Variants in DACH2 observed in about 807,000 individuals in gnomAD.
DACH2 encodes the protein dachshund homolog 2.
DACH2 carries 17 observed loss-of-function variants against 35.8 expected under a neutral mutation model. That is an observed-to-expected ratio of 0.48 (90% confidence interval 0.33 to 0.71). The LOEUF (loss-of-function observed/expected upper bound fraction) is 0.71. DACH2 is among the 30% of genes least tolerant of loss of function. The pLI, the probability that DACH2 is intolerant of heterozygous loss-of-function variation, is 0.02. For synonymous variants in DACH2, 195 were observed against 177.3 expected (o/e 1.10, Z -0.79); for missense variants, 469 against 472.7 (o/e 0.99, Z 0.07).
At chrX:86,408,179 G>A (rs777637162) in intron 2 of DACH2, among the ~76,000 whole-genome samples, 4 of 111,543 alleles carry the variant, frequency 3.6e-5, no homozygotes, top group South Asian at 7.4e-4. Flanking sequence ...GTATGATCTC[G>A]CTTATGGTAC....
intron 1 of DACH2, among the ~76,000 whole-genome samples, chrX:86,337,895 A>C (rs990610492): frequency 1.4e-4 from 15 of 109,009 alleles, no homozygotes; most frequent in African/African-American, 5.2e-4. Context: ...AAATCAAAAA[A>C]AATCAGGGGT....
intron 1 of DACH2, among the ~76,000 whole-genome samples, chrX:86,149,462 G>A (rs2030285254): frequency 8.9e-6 from 1 of 111,871 alleles, no homozygotes; most frequent in African/African-American, 3.3e-5. Flanking sequence ...GTGGCCGCAC[G>A]GGTCGGATAG....
chrX:86,307,286 A>T (rs1052881114), intron 1 of DACH2, among the ~76,000 whole-genome samples: 5 of 111,876 alleles, frequency 4.5e-5, no homozygotes, highest in Non-Finnish European at 9.4e-5. Flanking sequence ...AAGAGCTGAC[A>T]ATGTAGAAAA....
chrX:86,509,673 C>T (rs1458896441), intron 2 of DACH2, among the ~76,000 whole-genome samples: 1 of 111,605 alleles, frequency 9.0e-6, no homozygotes, highest in East Asian at 2.8e-4. Context: ...TTTATTAATC[C>T]ACACAGCAGT....
At chrX:86,634,538 A>G (rs747518213) in intron 3 of DACH2, among the ~76,000 whole-genome samples, 1 of 111,331 alleles carries the variant, frequency 9.0e-6, no homozygotes, top group East Asian at 2.8e-4. Flanking sequence ...ACATGATCTT[A>G]TATTTAGAAT....
chrX:86,652,135 T>G (rs148926501), intron 4 of DACH2, among the ~76,000 whole-genome samples: 1 of 111,096 alleles, frequency 9.0e-6, no homozygotes, highest in Non-Finnish European at 1.9e-5. Context: ...TGCCTGTTGT[T>G]CCCTTTTTTT....
At chrX:86,774,155 C>G (rs1385595923) in intron 7 of DACH2, among the ~76,000 whole-genome samples, 1 of 111,888 alleles carries the variant, frequency 8.9e-6, no homozygotes, top group Non-Finnish European at 1.9e-5. Flanking sequence ...CACTTAATAA[C>G]TCAAGTTTAG....
At chrX:86,364,177 G>A (rs1053286320) in intron 1 of DACH2, among the ~76,000 whole-genome samples, 5 of 111,146 alleles carry the variant, frequency 4.5e-5, no homozygotes, top group African/African-American at 1.3e-4. Context: ...AATTGTTATG[G>A]GTAAATGGTG....
chrX:86,568,275 G>A (rs1287637380), intron 3 of DACH2, among the ~76,000 whole-genome samples: 1 of 111,226 alleles, frequency 9.0e-6, no homozygotes, highest in African/African-American at 3.3e-5. Context: ...GAACCCTAAT[G>A]TAAACTCAGG....
chrX:86,251,356 A>G (rs764050772), intron 1 of DACH2, among the ~76,000 whole-genome samples: 1 of 110,908 alleles, frequency 9.0e-6, no homozygotes, highest in East Asian at 2.9e-4. Context: ...TTTTATTTCC[A>G]TAGGTTTTTG....
chrX:86,457,966 G>A (rs754002747), intron 2 of DACH2, among the ~76,000 whole-genome samples: 118 of 111,912 alleles, frequency 1.1e-3, no homozygotes, highest in Non-Finnish European at 1.7e-3. Context: ...GAATATTTAC[G>A]TCACATGAAT....
intron 2 of DACH2, among the ~76,000 whole-genome samples, chrX:86,432,031 G>T (rs1488947014): frequency 8.9e-6 from 1 of 111,947 alleles, no homozygotes; most frequent in Non-Finnish European, 1.9e-5. Context: ...TAAAGAGGAA[G>T]TTTAAGGTCC....
intron 4 of DACH2, among the ~76,000 whole-genome samples, chrX:86,667,422 GAAGA>G (rs1470270379): frequency 1.2e-5 from 1 of 85,938 alleles, no homozygotes; most frequent in Non-Finnish European, 2.4e-5. Flanking sequence ...AAAAAAGAAA[GAAGA>G]AAGAAAAGAA....
At chrX:86,253,173 CA>C (rs1445925608) in intron 1 of DACH2, among the ~76,000 whole-genome samples, 6 of 109,256 alleles carry the variant, frequency 5.5e-5, no homozygotes, top group Non-Finnish European at 1.1e-4. Context: ...ACAATAGCTG[CA>C]AAAAAATAAA....
At chrX:86,593,659 T>A (rs183434476) in intron 3 of DACH2, among the ~76,000 whole-genome samples, 211 of 110,071 alleles carry the variant, frequency 1.9e-3, no homozygotes, top group Non-Finnish European at 2.9e-3. Context: ...ACTCCTGACC[T>A]CAAGTCATCT....
chrX:86,373,330 T>A (rs1218543054), intron 1 of DACH2, among the ~76,000 whole-genome samples: 1 of 111,177 alleles, frequency 9.0e-6, no homozygotes, highest in African/African-American at 3.3e-5. Context: ...TTATGTAAAC[T>A]GTTTTGATTT....
intron 1 of DACH2, among the ~76,000 whole-genome samples, chrX:86,228,410 A>G (rs111608511): frequency 0.032 from 3,502 of 108,666 alleles, 157 homozygotes; most frequent in African/African-American, 0.11. Context: ...GTATGCAAGT[A>G]TCTTTTTCAA....
intron 1 of DACH2, among the ~76,000 whole-genome samples, chrX:86,214,049 A>AT (rs1279413826): frequency 1.5e-4 from 16 of 109,908 alleles, no homozygotes; most frequent in African/African-American, 5.0e-4. Context: ...CCTTTTCAAC[A>AT]TTTTTTTCCG....
chrX:86,826,136 T>C (rs1252328559), intron 11 of DACH2, among the ~76,000 whole-genome samples: 1 of 111,455 alleles, frequency 9.0e-6, no homozygotes, highest in African/African-American at 3.3e-5. Flanking sequence ...TGCTCTCCCA[T>C]AGATAGTTAT....
Sources: allele counts gnomAD v4.1 joint callset (sites outside exome capture counted in the v4.1 genomes callset), GRCh38; gene constraint gnomAD v4.1.1; transcripts MANE v1.5; gene names NCBI Gene and HGNC (gene_info 2026-07-23, HGNC 2026-07-21).